The following AGRN variants were observed in gnomAD, a reference collection of about 807,000 sequenced individuals.
AGRN encodes the protein agrin proteoglycan.
Under a neutral mutation model 211.0 loss-of-function variants are expected in AGRN, and 106 were observed. The ratio of observed to expected loss-of-function variants is 0.50; its 90% confidence interval spans 0.43 to 0.59. AGRN has a LOEUF of 0.59. Ranked by LOEUF, AGRN falls within the 20% of genes least tolerant of loss-of-function variation. AGRN has a pLI of 0.00. For synonymous variants in AGRN, 1,525 were observed against 1,332.5 expected (o/e 1.14, Z -3.15); for missense variants, 3,040 against 2,982.6 (o/e 1.02, Z -0.45).
At position 1,055,466 on chromosome 1, in the gene AGRN, A is replaced by C; in HGVS notation, c.*485A>C. ...CCTGCGCCAATACTGTGACTTCCAA[A>C]CAATGTTACTGCTGGGCACAGCTCT... On this transcript the variant is annotated 3_prime_UTR_variant, in exon 36 of 36. Coordinates refer to ENST00000379370, the MANE Select transcript of AGRN (RefSeq NM_198576.4). 7.3e-6 allele frequency: 2 copies of C among 273,946 alleles called. No homozygotes were observed. Among genetic ancestry groups the C allele is most frequent in the Non-Finnish European group, 1.4e-5 (2 of 139,178 alleles). The allele number at this position is 273,946 out of a possible 1,614,324, so 17.0% of individuals were successfully genotyped here.
chr1:1,045,942 G>A (rs777695568), intron 15 of AGRN, 22 bp from the exon 16 acceptor site: 3 of 1,612,706 alleles, frequency 1.9e-6, no homozygotes, highest in Admixed American at 3.3e-5. Flanking sequence ...AGCCACAGAG[G>A]TTTCCCATGC....
At chr1:1,053,205 G>C (rs1319549179) in intron 33 of AGRN, 38 of 301,280 alleles carry the variant, frequency 1.3e-4, no homozygotes, top group Non-Finnish European at 3.1e-5. Flanking sequence ...GTCTGCACGT[G>C]GGTGTCTGCA....
chr1:1,040,971 G>A, intron 4 of AGRN, 91 bp downstream of exon 4: 1 of 358,122 alleles, frequency 2.8e-6, no homozygotes, highest in Non-Finnish European at 4.1e-6. Flanking sequence ...CCAGTGGGGC[G>A]GGGGCAGGGG....
Position 1,048,221 on chromosome 1 carries a change from C to T in AGRN, c.3961C>T (p.Arg1321Cys), listed in dbSNP as rs1483197613. 32 of 1,547,032 alleles carry T rather than the reference C, an allele frequency of 2.1e-5. No individual in the cohort carries two copies. The highest frequency in any genetic ancestry group is 2.7e-5 in the African/African-American group (2 of 73,226). The change falls in exon 23 of 36, where the codon CGT becomes TGT. Residue 1321 changes from arginine (R) to cysteine (C), a missense_variant. Arg to Cys is a radical substitution (Grantham distance 180). Coordinates refer to ENST00000379370, the MANE Select transcript of AGRN (RefSeq NM_198576.4). This position sits in a 1 kb window ranked among gnomAD's most constrained non-coding sequence, Gnocchi z 5.9. ...CACTGCCCCCAGCCGTGTGCCCGGACGTCGGCCCCCGGCCCCCCAGCAGCC... is the reference window on the plus strand; with the variant it reads ...CACTGCCCCCAGCCGTGTGCCCGGATGTCGGCCCCCGGCCCCCCAGCAGCC... ...PTTAPSRVPG[R>C]RPPAPQQPPK... is the part of the protein sequence containing the mutation.
In AGRN at chr1:1,035,449, C is replaced by T. The variant is rs1388922128; in HGVS notation, c.511+125C>T. 98 of 1,316,240 alleles carry T rather than the reference C, an allele frequency of 7.4e-5. 4 individuals are homozygous for T. The South Asian group carries it at 1.1e-3, about 15-fold the overall frequency. 81.5% of individuals were successfully genotyped at this position (1,316,240 alleles called of 1,614,324 possible). On this transcript the variant is annotated intron_variant, in intron 3 of 35. Transcript: ENST00000379370. ...GAGTGAGGAGGAGGCTGGACAAGGG[C>T]ACCTGCGTCTGTCCTGGGAGTCCGC...
chr1:1,035,361 G>C, intron 3 of AGRN, 37 bp downstream of exon 3: 2 of 1,611,864 alleles, frequency 1.2e-6, no homozygotes, highest in Non-Finnish European at 1.7e-6. Context: ...TGGATGGGCT[G>C]TGGCACTCTT....
chr1:1,022,269 C>T lies in AGRN; in HGVS notation c.270C>T (p.Asn90=), dbSNP rs768159179. 1.9e-6 allele frequency: 3 copies of T among 1,613,164 alleles called. No individual in the cohort carries two copies. The highest frequency in any genetic ancestry group is 2.5e-6 in the Non-Finnish European group (3 of 1,180,014). ...GGGAGAGCCTGCTGGACGGCGGCAA[C>T]AAGGTGGTGATCAGCGGCTTTGGAG... The part of the protein sequence containing the change: ...VARESLLDGG[N]KVVISGFGDP... The change falls in exon 2 of 36, where the codon AAC becomes AAT. Residue 90 remains asparagine, a synonymous_variant. Coordinates refer to ENST00000379370, the MANE Select transcript of AGRN (RefSeq NM_198576.4).
At position 1,050,242 on chromosome 1, in the gene AGRN, A is replaced by G; in HGVS notation, c.4889A>G (p.Gln1630Arg). ...GTGACTCTCCCTACAGCCTCGGGGC[A>G]GGACGGCTCTGGGCCCTTCCTGGCT... ...EGTFCQTASG[Q>R]DGSGPFLADF... Residue 1630 changes from glutamine (Q) to arginine (R), a missense_variant, in exon 28 of 36, where the codon CAG (glutamine) becomes CGG (arginine). This residue lies in a region of AGRN where 1,537 missense variants were observed against 1,505.0 expected (regional missense o/e 1.02). Transcript: ENST00000379370. 1 of 1,613,134 alleles carries G rather than the reference A, an allele frequency of 6.2e-7. No homozygotes were observed. Among genetic ancestry groups the G allele is most frequent in the Non-Finnish European group, 8.5e-7 (1 of 1,179,940 alleles).
In AGRN at chr1:1,051,961, C is replaced by T. The variant is rs765905189; in HGVS notation, c.5651+146C>T. 83 of 1,547,928 alleles carry T rather than the reference C, an allele frequency of 5.4e-5. No homozygotes were observed. The Admixed American group carries it at 6.3e-4, about 12-fold the overall frequency. On this transcript the variant is annotated intron_variant, in intron 33 of 35. Transcript: ENST00000379370. ...CCTCTCTCTCACCTCCCGGTCCTCC[C>T]GCCTCTCACTGTCTGTCTCTTTGTT...
At position 1,049,600 on chromosome 1, in the gene AGRN, A is replaced by T; in HGVS notation, c.4549A>T (p.Arg1517Trp). ...LERTFVGAGL[R>W]GCIRLLDVNN... ...GCGGACCTTCGTGGGCGCCGGCCTGAGGGGGTGCATCCGTTTGCTGGACGT... is the reference window on the plus strand; with the variant it reads ...GCGGACCTTCGTGGGCGCCGGCCTGTGGGGGTGCATCCGTTTGCTGGACGT... The change falls in exon 26 of 36, where the codon AGG becomes TGG. Residue 1517 changes from arginine (R) to tryptophan (W), a missense_variant. By Grantham distance (101) the Arg-to-Trp change is moderately radical (BLOSUM62 -3). Transcript: ENST00000379370. The T allele has an allele frequency of 1.3e-6, 2 of 1,591,644 alleles. No individual in the cohort carries two copies. The highest frequency in any genetic ancestry group is 2.3e-5 in the South Asian group (2 of 88,158).
intron 2 of AGRN, among the ~76,000 whole-genome samples, chr1:1,025,297 C>T (rs1028802877): frequency 7.9e-5 from 12 of 152,160 alleles, no homozygotes; most frequent in Admixed American, 2.0e-4. Flanking sequence ...GCCTGTATTC[C>T]GGCGTGTGCA....
chr1:1,023,941 C>T (rs910063014), intron 2 of AGRN, among the ~76,000 whole-genome samples: 3 of 152,156 alleles, frequency 2.0e-5, no homozygotes, highest in Non-Finnish European at 2.9e-5. Context: ...CTGGGACCCA[C>T]AGCCAGTATG....
intron 33 of AGRN, chr1:1,052,672 T>A (rs1183614762): frequency 6.1e-6 from 1 of 163,228 alleles, no homozygotes; most frequent in Non-Finnish European, 1.3e-5. Flanking sequence ...TGGGTCCATG[T>A]GTGTATAGTG....
Position 1,040,885 on chromosome 1 carries a change from G to A in AGRN, c.727+5G>A. 21 of 1,479,256 alleles carry A rather than the reference G, an allele frequency of 1.4e-5. No individual in the cohort carries two copies. The highest frequency in any genetic ancestry group is 1.9e-5 in the Non-Finnish European group (21 of 1,126,058). 91.6% of individuals were successfully genotyped at this position (1,479,256 alleles called of 1,614,324 possible). On this transcript the variant is annotated splice_donor_5th_base_variant and intron_variant, in intron 4 of 35. Coordinates refer to ENST00000379370, the MANE Select transcript of AGRN (RefSeq NM_198576.4). ...TGCTCAGCCGCGGGCCGTGCGGTGA[G>A]CGGGGCGGGGCCGGTGCCTGGGGCG...
rs1479350639 is a variant in AGRN at position 1,020,378 on chromosome 1, G to T, written c.201+5G>T. On this transcript the variant is annotated splice_donor_5th_base_variant and intron_variant, in intron 1 of 35. Coordinates refer to ENST00000379370, the MANE Select transcript of AGRN (RefSeq NM_198576.4). ...CAGCACACGTACTCCTGCAAGGTGCGCCCACCCGGACCCCGGCCTCCCCTC... is the reference window on the plus strand; with the variant it reads ...CAGCACACGTACTCCTGCAAGGTGCTCCCACCCGGACCCCGGCCTCCCCTC... 1.3e-6 allele frequency: 2 copies of T among 1,494,992 alleles called. No homozygotes were observed. The highest frequency in any genetic ancestry group is 1.5e-5 in the African/African-American group (1 of 68,540). The allele number at this position is 1,494,992 out of a possible 1,614,324, so 92.6% of individuals were successfully genotyped here.
intron 7 of AGRN, 92 bp from the exon 8 acceptor site, chr1:1,043,147 C>T (rs112749082): frequency 1.6e-5 from 22 of 1,383,962 alleles, no homozygotes; most frequent in African/African-American, 1.4e-4. Flanking sequence ...ACCATCCCCT[C>T]CCTGGAAGAG....
Position 1,031,033 on chromosome 1 carries a change from G to T in AGRN, c.464-4244G>T. On this transcript the variant is annotated intron_variant, in intron 2 of 35. Transcript: ENST00000379370. This position sits in a 1 kb window ranked among gnomAD's most constrained non-coding sequence, Gnocchi z 4.8. The stretch of plus-strand genomic sequence containing the variant: ...AGCATGTGTGTGTGCAGTGCATGGT[G>T]CTGTGAGTGTATCAGCATGTGTGTG... 7.6e-6 allele frequency among the ~76,000 whole-genome samples: 1 copy of T among 132,396 alleles called. No individual in the cohort carries two copies. Among genetic ancestry groups the T allele is most frequent in the Non-Finnish European group, 1.6e-5 (1 of 63,276 alleles). 86.9% of individuals were successfully genotyped at this position (132,396 alleles called of 152,430 possible).
Position 1,041,220 on chromosome 1 carries a change from T to C in AGRN, c.775T>C (p.Cys259Arg). 6.8e-7 allele frequency: 1 copy of C among 1,477,148 alleles called. No individual in the cohort carries two copies. The highest frequency in any genetic ancestry group is 1.8e-4 in the Middle Eastern group (1 of 5,450). The allele number at this position is 1,477,148 out of a possible 1,614,324, so 91.5% of individuals were successfully genotyped here. A position where few individuals can be genotyped will look rare whatever the true frequency, so the allele number is the denominator to read the frequency against. ...CGTGACCTGCAGCTTCGGCAGCACCTGTGCGCGCTCGGCCGACGGGCTGAC... is the reference window on the plus strand; with the variant it reads ...CGTGACCTGCAGCTTCGGCAGCACCCGTGCGCGCTCGGCCGACGGGCTGAC... ...SNVTCSFGSTCARSADGLTAS... is the reference protein window; with the variant it reads ...SNVTCSFGSTRARSADGLTAS... The change falls in exon 5 of 36, where the codon TGT becomes CGT. Residue 259 changes from cysteine (C) to arginine (R), a missense_variant. Around this residue, in one of 3 missense-constraint regions of AGRN, gnomAD observed 1,498 missense variants for 1,457.8 expected, o/e 1.03. Coordinates refer to ENST00000379370, the MANE Select transcript of AGRN (RefSeq NM_198576.4).
chr1:1,022,097 G>A (rs1326063579), intron 1 of AGRN, 104 bp from the exon 2 acceptor site: 1 of 1,457,070 alleles, frequency 6.9e-7, no homozygotes, highest in Non-Finnish European at 9.5e-7. Context: ...TCTCTGCCCA[G>A]GGCTTGAGTC....
Sources: gnomAD v4.1 joint callset for allele counts (sites outside exome capture counted in the v4.1 genomes callset) on GRCh38, gnomAD v4.1.1 for gene constraint, gnomAD v4.1.1 regional missense constraint, Gnocchi (gnomAD v3.1) non-coding constraint, MANE v1.5 for transcripts, NCBI Gene and HGNC (gene_info 2026-07-23, HGNC 2026-07-21) for gene names.